SBF2: variants seen among roughly 807,000 people sequenced by gnomAD.
The protein encoded by SBF2 is SET binding factor 2, also known as myotubularin-related protein 13.
SBF2 carries 112 observed loss-of-function variants against 225.2 expected under a neutral mutation model. The ratio of observed to expected loss-of-function variants is 0.50; its 90% confidence interval spans 0.43 to 0.58. The LOEUF (loss-of-function observed/expected upper bound fraction) is 0.58. SBF2 is among the 20% of genes least tolerant of loss of function. SBF2 has a pLI of 0.00. For missense variants in SBF2, 1,996 were observed against 2,206.2 expected (o/e 0.90, Z 1.91); for synonymous variants, 763 against 773.3 (o/e 0.99, Z 0.22).
intron 4 of SBF2, 67 bp from the exon 5 acceptor site, chr11:10,029,942 C>T (rs980357055): frequency 9.5e-7 from 1 of 1,056,140 alleles, no homozygotes; most frequent in African/African-American, 1.6e-5. Flanking sequence ...GTTATGACAT[C>T]TGCTCTAGGA....
intron 6 of SBF2, among the ~76,000 whole-genome samples, chr11:10,025,692 C>T (rs1405710815): frequency 1.3e-5 from 2 of 152,220 alleles, no homozygotes; most frequent in East Asian, 1.9e-4. Context: ...CTCCTCCTCC[C>T]GGGTTCAAGC....
At chr11:10,166,988 C>CACAA (rs1555055983) in intron 2 of SBF2, among the ~76,000 whole-genome samples, 1 of 151,412 alleles carries the variant, frequency 6.6e-6, no homozygotes, top group Non-Finnish European at 1.5e-5. Context: ...CACACACACA[C>CACAA]AAAAAGGCTA....
rs370688727 is a variant in SBF2 at position 9,789,265 on chromosome 11, A to G, written c.4776T>C (p.Pro1592=). 1.9e-6 allele frequency: 3 copies of G among 1,614,166 alleles called. No individual in the cohort carries two copies. The highest frequency in any genetic ancestry group is 1.7e-5 in the Admixed American group (1 of 60,030). The change falls in exon 35 of 40, where the codon CCT becomes CCC. Residue 1592 remains proline (P), a synonymous_variant. Transcript: ENST00000256190. ...YYIEETLSTG[P]SYDWMMLTPK... is the part of the protein sequence containing the mutation. ...GGGTTAGCATCATCCAGTCATAGGA[A>G]GGGCCTGTGGACAGGGTCTCTTCTA...
At position 10,074,745 on chromosome 11, in the gene SBF2, G is replaced by A. The variant is rs532997405; in HGVS notation, c.142-31764C>T. On this transcript the variant is annotated intron_variant, in intron 2 of 39. Transcript: ENST00000256190. ...GATTCCCCAGAGTAATTTTGTTTTT[G>A]GTTTTTACATCAGACACACACAATT... Among the ~76,000 whole-genome samples the A allele has an allele frequency of 1.1e-4, 16 of 152,116 alleles. No homozygotes were observed. In the South Asian group the frequency reaches 3.1e-3, roughly 30 times the overall value.
chr11:9,869,498 T>C (rs1379466740), intron 17 of SBF2, among the ~76,000 whole-genome samples: 1 of 152,188 alleles, frequency 6.6e-6, no homozygotes, highest in Non-Finnish European at 1.5e-5. Context: ...TTTGTATTTT[T>C]AGTAGAGACA....
rs924901819 is a variant in SBF2, at chr11:10,063,396, C to T, written c.142-20415G>A. 4.7e-5 allele frequency among the ~76,000 whole-genome samples: 7 copies of T among 149,506 alleles called. No homozygotes were observed. In the South Asian group the frequency reaches 6.3e-4, roughly 14 times the overall value. ...TTTTTGAGACAGAGTCTTGCTCTGT[C>T]GCCCAGGCTGGAGTGCAGTGGCGTG... On this transcript the variant is annotated intron_variant, in intron 2 of 39. Coordinates refer to ENST00000256190, the MANE Select transcript of SBF2 (RefSeq NM_030962.4).
chr11:9,833,431 T>TG (rs1855522058), intron 26 of SBF2, among the ~76,000 whole-genome samples: 1 of 151,022 alleles, frequency 6.6e-6, no homozygotes, highest in South Asian at 2.1e-4. Context: ...ATTTTTTTTT[T>TG]TTTTTTTGAG....
chr11:10,280,387 T>C (rs1396638176), intron 1 of SBF2, among the ~76,000 whole-genome samples: 2 of 152,212 alleles, frequency 1.3e-5, no homozygotes, highest in African/African-American at 4.8e-5. Context: ...TCAACTGTTC[T>C]CATTCCATTG....
intron 16 of SBF2, among the ~76,000 whole-genome samples, chr11:9,932,377 G>C (rs1864557480): frequency 6.6e-6 from 1 of 152,210 alleles, no homozygotes; most frequent in African/African-American, 2.4e-5. Flanking sequence ...CGGGCAGCCA[G>C]AGAGAAAGGT....
chr11:9,806,912 T>C (rs917070365), intron 32 of SBF2, among the ~76,000 whole-genome samples: 2 of 152,208 alleles, frequency 1.3e-5, no homozygotes, highest in African/African-American at 4.8e-5. Context: ...TCAATAAAGC[T>C]GTTATTTACA....
chr11:10,189,337 T>C (rs919390890), intron 2 of SBF2, among the ~76,000 whole-genome samples: 5 of 152,192 alleles, frequency 3.3e-5, no homozygotes, highest in African/African-American at 1.2e-4. Context: ...CATATTCTTC[T>C]ACAAAAAGGA....
chr11:9,952,971 G>C (rs1027083624), intron 16 of SBF2, among the ~76,000 whole-genome samples: 1 of 152,192 alleles, frequency 6.6e-6, no homozygotes, highest in Non-Finnish European at 1.5e-5. Flanking sequence ...AAAACAGTGT[G>C]GAGATTCCTT....
At chr11:9,950,054 C>G (rs1865770821) in intron 16 of SBF2, among the ~76,000 whole-genome samples, 1 of 151,240 alleles carries the variant, frequency 6.6e-6, no homozygotes, top group African/African-American at 2.4e-5. Context: ...TAAAAATAAA[C>G]AAATAAATAA....
intron 13 of SBF2, among the ~76,000 whole-genome samples, chr11:9,983,203 T>G (rs943508214): frequency 6.6e-6 from 1 of 152,186 alleles, no homozygotes; most frequent in Admixed American, 6.5e-5. Context: ...CAGCCCGTCT[T>G]GCCCTCTGCC....
At chr11:10,210,934 A>C (rs2135381791) in intron 1 of SBF2, among the ~76,000 whole-genome samples, 1 of 136,412 alleles carries the variant, frequency 7.3e-6, no homozygotes, top group African/African-American at 2.7e-5. Context: ...AATCGTTTGA[A>C]CCCAGGAGGC....
At chr11:10,288,925 C>T (rs1265693515) in intron 1 of SBF2, among the ~76,000 whole-genome samples, 1 of 152,166 alleles carries the variant, frequency 6.6e-6, no homozygotes, top group Non-Finnish European at 1.5e-5. Flanking sequence ...AGTCTTCAAG[C>T]CCTCCCCGGC....
At chr11:10,003,466 C>T (rs750680714) in intron 6 of SBF2, among the ~76,000 whole-genome samples, 3 of 151,772 alleles carry the variant, frequency 2.0e-5, no homozygotes, top group Non-Finnish European at 4.4e-5. Context: ...CTCCCGGGTT[C>T]ATGACATTCT....
At chr11:10,292,710 T>C (rs1013497531) in intron 1 of SBF2, among the ~76,000 whole-genome samples, 1 of 135,698 alleles carries the variant, frequency 7.4e-6, no homozygotes, top group Non-Finnish European at 1.6e-5. Context: ...TGTTTAAAAG[T>C]GGGGAGGGGG....
At chr11:9,901,618 A>G (rs1303081702) in intron 16 of SBF2, among the ~76,000 whole-genome samples, 1 of 152,202 alleles carries the variant, frequency 6.6e-6, no homozygotes, top group African/African-American at 2.4e-5. Flanking sequence ...GTCATACCCT[A>G]TAAACCATAA....
Sources: allele counts gnomAD v4.1 joint callset (sites outside exome capture counted in the v4.1 genomes callset), GRCh38; gene constraint gnomAD v4.1.1; transcripts MANE v1.5; gene names NCBI Gene and HGNC (gene_info 2026-07-23, HGNC 2026-07-21).